SDK1: variants seen among roughly 807,000 people sequenced by gnomAD.
SDK1 encodes the protein sidekick cell adhesion molecule 1.
Under a neutral mutation model 245.5 loss-of-function variants are expected in SDK1, and 157 were observed. The observed-to-expected ratio is 0.64, with a 90% CI of 0.56 to 0.73. The LOEUF is 0.73. Ranked by LOEUF, SDK1 falls within the 30% of genes least tolerant of loss-of-function variation. The pLI is 0.00. For missense variants in SDK1, 3,583 were observed against 3,002.3 expected, an observed-to-expected ratio of 1.19 and a Z score of -4.52; for synonymous variants, 1,647 against 1,278.5, an observed-to-expected ratio of 1.29 and a Z score of -6.15.
intron 12 of SDK1, among the ~76,000 whole-genome samples, chr7:3,972,906 A>G (rs559583497): frequency 2.2e-4 from 33 of 152,198 alleles, no homozygotes; most frequent in Admixed American, 5.9e-4. Context: ...CAAGTGAAAG[A>G]CGACCTAGGA....
At position 4,149,442 on chromosome 7, in the gene SDK1, C is replaced by T; in HGVS notation, c.4604C>T (p.Ala1535Val). 2 of 1,550,370 alleles carry T rather than the reference C, an allele frequency of 1.3e-6. No homozygotes were observed. The highest frequency in any genetic ancestry group is 1.7e-6 in the Non-Finnish European group (2 of 1,149,594). The change falls in exon 30 of 45, where the codon GCG (alanine) becomes GTG (valine). Residue 1535 changes from alanine to valine, a missense_variant. Physicochemically the swap from Ala to Val is moderately conservative, Grantham distance 64 (BLOSUM62 0). Transcript: ENST00000404826. The stretch of plus-strand genomic sequence containing the variant: ...TACTCCTCGTCCATCAGCCATGAGG[C>T]GACAGCATGCGTCGTTGACAGGTAC... ...QTYSSSISHE[A>V]TACVVDRLRP...
At chr7:4,237,521 G>A in intron 41 of SDK1, 126 bp from the exon 42 acceptor site, 1 of 1,082,914 alleles carries the variant, frequency 9.2e-7, no homozygotes, top group Non-Finnish European at 1.4e-6. Context: ...CTGGACATTG[G>A]TTTCATCTCA....
intron 15 of SDK1, among the ~76,000 whole-genome samples, chr7:4,011,564 T>C (rs1020186830): frequency 2.8e-4 from 42 of 152,358 alleles, no homozygotes; most frequent in African/African-American, 9.6e-4. Flanking sequence ...CTCCCATCCC[T>C]GCGAGGGCCA....
chr7:4,262,388 TGC>T (rs1788073973), intron 44 of SDK1, among the ~76,000 whole-genome samples: 1 of 151,916 alleles, frequency 6.6e-6, no homozygotes, highest in Admixed American at 6.5e-5. Flanking sequence ...AATAGAGGTT[TGC>T]TTTCAGAAAA....
At chr7:3,591,630 A>G (rs1193396480) in intron 1 of SDK1, among the ~76,000 whole-genome samples, 7 of 152,206 alleles carry the variant, frequency 4.6e-5, no homozygotes, top group South Asian at 2.1e-4. Context: ...GTAGATTTGC[A>G]GTGGGTCTGC....
At chr7:4,186,434 G>A (rs1782899506) in intron 35 of SDK1, among the ~76,000 whole-genome samples, 1 of 152,192 alleles carries the variant, frequency 6.6e-6, no homozygotes, top group Non-Finnish European at 1.5e-5. Flanking sequence ...GCTGCCCCAG[G>A]ACAGAGCCTC....
chr7:3,729,626 C>T (rs974010710), intron 4 of SDK1, among the ~76,000 whole-genome samples: 4 of 152,178 alleles, frequency 2.6e-5, no homozygotes, highest in Non-Finnish European at 4.4e-5. Flanking sequence ...GGGCAGCTTT[C>T]CCTAGACCCT....
chr7:3,348,462 G>A (rs565401155), intron 1 of SDK1, among the ~76,000 whole-genome samples: 2 of 149,326 alleles, frequency 1.3e-5, no homozygotes, highest in African/African-American at 2.4e-5. Flanking sequence ...GCAGAAAACC[G>A]AAAACAACAT....
Position 4,149,478 on chromosome 7 carries a change from G to A in SDK1, c.4625+15G>A. 2 of 1,443,750 alleles carry A rather than the reference G, an allele frequency of 1.4e-6. No individual in the cohort carries two copies. The highest frequency in any genetic ancestry group is 9.1e-7 in the Non-Finnish European group (1 of 1,093,656). 89.4% of individuals were successfully genotyped at this position (1,443,750 alleles called of 1,614,324 possible). ...GTCGTTGACAGGTACTGAGAGAGCA[G>A]GAGCACCTCCCCGGGGAACGGGGCC... is the stretch of plus-strand genomic sequence containing the variant. On this transcript the variant is annotated intron_variant, in intron 30 of 44. Coordinates refer to ENST00000404826, the MANE Select transcript of SDK1 (RefSeq NM_152744.4).
At chr7:3,819,623 C>G (rs1315334897) in intron 4 of SDK1, among the ~76,000 whole-genome samples, 1 of 151,806 alleles carries the variant, frequency 6.6e-6, no homozygotes, top group African/African-American at 2.4e-5. Flanking sequence ...ATAAAAGAAT[C>G]TATAAAGGAG....
chr7:4,012,629 A>G (rs968353363), intron 16 of SDK1, among the ~76,000 whole-genome samples: 1 of 121,218 alleles, frequency 8.2e-6, no homozygotes, highest in Non-Finnish European at 1.6e-5. Context: ...GCTGGAGTGC[A>G]GTGGCACAAT....
At chr7:3,911,483 A>G (rs1463887848) in intron 5 of SDK1, among the ~76,000 whole-genome samples, 3 of 152,140 alleles carry the variant, frequency 2.0e-5, no homozygotes, top group African/African-American at 4.8e-5. Flanking sequence ...CACATGGCGG[A>G]AAGGGCAGAC....
intron 4 of SDK1, among the ~76,000 whole-genome samples, chr7:3,687,004 G>T (rs377213443): frequency 1.5e-4 from 22 of 149,024 alleles, no homozygotes; most frequent in African/African-American, 5.6e-4. Flanking sequence ...CAAGAAGGGA[G>T]ATCTGAGTGG....
chr7:3,962,889 G>A (rs757515610), intron 9 of SDK1, 38 bp downstream of exon 9: 24 of 1,505,866 alleles, frequency 1.6e-5, no homozygotes, highest in Admixed American at 3.7e-5. Context: ...TGACCTGGAC[G>A]TATCCAGTGA....
intron 40 of SDK1, among the ~76,000 whole-genome samples, chr7:4,231,613 G>C (rs986891000): frequency 4.2e-5 from 6 of 142,740 alleles, no homozygotes; most frequent in African/African-American, 7.5e-5. Context: ...AAGAGCAAGA[G>C]AGAAAGCAAT....
intron 1 of SDK1, among the ~76,000 whole-genome samples, chr7:3,346,349 T>G (rs932995208): frequency 2.0e-5 from 3 of 152,084 alleles, no homozygotes; most frequent in African/African-American, 7.2e-5. Flanking sequence ...TGAGCCTCCG[T>G]GCAAGGCTGT....
intron 4 of SDK1, among the ~76,000 whole-genome samples, chr7:3,729,553 T>C (rs1779113844): frequency 1.3e-5 from 2 of 152,222 alleles, no homozygotes; most frequent in South Asian, 2.1e-4. Flanking sequence ...TGACCCACAA[T>C]GCCAACAGTG....
chr7:3,891,946 G>A (rs1243798724), intron 5 of SDK1, among the ~76,000 whole-genome samples: 1 of 152,162 alleles, frequency 6.6e-6, no homozygotes, highest in African/African-American at 2.4e-5. Flanking sequence ...CGGTGTCAAA[G>A]GCATTCTATA....
rs1393010233 is a variant in SDK1, at chr7:4,026,829, G to A, written c.2602+9477G>A. 1.3e-5 allele frequency among the ~76,000 whole-genome samples: 2 copies of A among 152,128 alleles called. No homozygotes were observed. Among genetic ancestry groups the A allele is most frequent in the African/African-American group, 4.8e-5 (2 of 41,420 alleles). ...TAACGATAACACCCGGCACACAAACGGCAATATGTACACCCACCCAGCGGT... is the reference window on the plus strand; with the variant it reads ...TAACGATAACACCCGGCACACAAACAGCAATATGTACACCCACCCAGCGGT... On this transcript the variant is annotated intron_variant, in intron 17 of 44. Coordinates refer to ENST00000404826, the MANE Select transcript of SDK1 (RefSeq NM_152744.4). This position sits in a 1 kb window ranked among gnomAD's most constrained non-coding sequence, Gnocchi z 4.1.
Sources: gnomAD v4.1 joint callset for allele counts (sites outside exome capture counted in the v4.1 genomes callset) on GRCh38, gnomAD v4.1.1 for gene constraint, Gnocchi (gnomAD v3.1) non-coding constraint, MANE v1.5 for transcripts, NCBI Gene and HGNC (gene_info 2026-07-23, HGNC 2026-07-21) for gene names.